The following DOCK6 variants were observed in gnomAD, a reference collection of about 807,000 sequenced individuals.
DOCK6 encodes the protein dedicator of cytokinesis protein 6.
Under a neutral mutation model 230.3 loss-of-function variants are expected in DOCK6, and 167 were observed. That is an observed-to-expected ratio of 0.73 (90% CI 0.64 to 0.82). The LOEUF is 0.82. Among genes scored for constraint, DOCK6 ranks in the 40% least tolerant of loss-of-function variants. The probability of loss-of-function intolerance (pLI) is 0.00; values close to 1 mark genes in which losing one functional copy is unlikely to be tolerated. For synonymous variants in DOCK6, 1,148 were observed against 1,185.0 expected (o/e 0.97, Z 0.64); for missense variants, 2,598 against 2,825.8 (o/e 0.92, Z 1.83).
rs2079165864 is a variant in DOCK6 at position 11,201,334 on chromosome 19, A to G, written c.5689-282T>C. Among the ~76,000 whole-genome samples the G allele has an allele frequency of 6.6e-6, 1 of 151,806 alleles. No homozygotes were observed. The highest frequency in any genetic ancestry group is 1.9e-4 in the East Asian group (1 of 5,138). ...TGGAAGTTGGAGTTTGGGGTCCCCA[A>G]CCTGGTTCTGGGGTACATGAGCCAA... On this transcript the variant is annotated intron_variant, in intron 44 of 47. Coordinates refer to ENST00000294618, the MANE Select transcript of DOCK6 (RefSeq NM_020812.4). The surrounding 1 kb of genome is among the most constrained non-coding windows in gnomAD (Gnocchi z 4.3).
chr19:11,209,050 T>C lies in DOCK6; in HGVS notation c.4805A>G (p.Asn1602Ser). 6.2e-7 allele frequency: 1 copy of C among 1,612,414 alleles called. No individual in the cohort carries two copies. The highest frequency in any genetic ancestry group is 1.1e-5 in the South Asian group (1 of 91,024). ...SPDLRLTWLQ[N>S]MAGKHAELGN... ...CAGCTCCGCGTGCTTCCCGGCCATG[T>C]TCTGCAACCAGGTCAGCCGAAGGTC... The change falls in exon 38 of 48, where the codon AAC (asparagine) becomes AGC (serine). Residue 1602 changes from asparagine to serine, a missense_variant. Asn to Ser is a conservative substitution (Grantham distance 46). Transcript: ENST00000294618.
rs764216758 is a variant in DOCK6 at position 11,252,105 on chromosome 19, A to AG, written c.507+13dup. The AG allele has an allele frequency of 1.9e-6, 3 of 1,585,170 alleles. No individual in the cohort carries two copies. The Admixed American group carries it at 5.4e-5, about 29-fold the overall frequency. ...ACATACCCCTTCAGTGACCCCAGCCAGGGGCTTCCTCACCGAGTCCTCAGG... is the reference window on the plus strand; with the variant it reads ...ACATACCCCTTCAGTGACCCCAGCCAGGGGGCTTCCTCACCGAGTCCTCAGG... On this transcript the variant is annotated intron_variant, in intron 5 of 47. Coordinates refer to ENST00000294618, the MANE Select transcript of DOCK6 (RefSeq NM_020812.4).
chr19:11,259,821 G>A (rs1435553233), intron 1 of DOCK6, among the ~76,000 whole-genome samples: 1 of 149,638 alleles, frequency 6.7e-6, no homozygotes, highest in Middle Eastern at 3.2e-3. Flanking sequence ...GACCTCAGGT[G>A]ATCCACCTGC....
chr19:11,223,691 G>A (rs534669621), intron 24 of DOCK6, among the ~76,000 whole-genome samples: 1 of 151,934 alleles, frequency 6.6e-6, no homozygotes, highest in African/African-American at 2.4e-5. Flanking sequence ...CTGTCACTAA[G>A]GCTGGAGTAC....
rs760556592 is a variant in DOCK6, at chr19:11,221,898, A to G, written c.3503T>C (p.Leu1168Pro). 1.2e-6 allele frequency: 2 copies of G among 1,613,386 alleles called. No homozygotes were observed. Among genetic ancestry groups the G allele is most frequent in the Non-Finnish European group, 1.7e-6 (2 of 1,179,884 alleles). ...CAAGGTATCCCGTGCAATCGATAGC[A>G]GTGGCAGGTACAGCTCGGCCACACG... is the stretch of plus-strand genomic sequence containing the variant. ...KARVAELYLP[L>P]LSIARDTLPR... Residue 1168 changes from leucine (L) to proline (P), a missense_variant, in exon 28 of 48, where the codon CTG becomes CCG. Coordinates refer to ENST00000294618, the MANE Select transcript of DOCK6 (RefSeq NM_020812.4).
intron 24 of DOCK6, among the ~76,000 whole-genome samples, chr19:11,224,055 G>A (rs1006861354): frequency 1.3e-5 from 2 of 152,140 alleles, no homozygotes; most frequent in African/African-American, 4.8e-5. Flanking sequence ...CAGTGTGTGT[G>A]TGTGGGGCGG....
intron 1 of DOCK6, 24 bp downstream of exon 1, chr19:11,262,373 G>A: frequency 8.0e-7 from 1 of 1,253,174 alleles, no homozygotes. Context: ...GGGGAGGTGG[G>A]AGGGGGCCCC....
chr19:11,249,914 A>AG (rs1231920791), intron 6 of DOCK6, among the ~76,000 whole-genome samples: 1 of 151,586 alleles, frequency 6.6e-6, no homozygotes, highest in Admixed American at 6.6e-5. Flanking sequence ...AAAAAAAAAA[A>AG]AAAAAGCTAT....
intron 22 of DOCK6, among the ~76,000 whole-genome samples, chr19:11,231,562 C>CA (rs780763122): frequency 7.2e-5 from 11 of 152,228 alleles, no homozygotes; most frequent in Non-Finnish European, 1.5e-4. Flanking sequence ...AACTCAAGCA[C>CA]AGGCTCAGGA....
chr19:11,228,086 C>T (rs1272640308), intron 23 of DOCK6, among the ~76,000 whole-genome samples: 1 of 150,162 alleles, frequency 6.7e-6, no homozygotes, highest in African/African-American at 2.5e-5. Flanking sequence ...TCTTGACTCA[C>T]TGCAACCTCT....
At chr19:11,259,774 A>C (rs1483872658) in intron 1 of DOCK6, among the ~76,000 whole-genome samples, 1 of 148,736 alleles carries the variant, frequency 6.7e-6, no homozygotes, top group African/African-American at 2.5e-5. Context: ...GTAGAGACGG[A>C]GTTTCACCAT....
chr19:11,251,162 T>C, intron 5 of DOCK6, 76 bp from the exon 6 acceptor site: 1 of 1,404,704 alleles, frequency 7.1e-7, no homozygotes, highest in Non-Finnish European at 9.8e-7. Flanking sequence ...AGTGTCCTCA[T>C]ACTCATTCTA....
At chr19:11,215,279 G>T (rs2079464165) in intron 32 of DOCK6, 108 bp downstream of exon 32, 2 of 965,924 alleles carry the variant, frequency 2.1e-6, no homozygotes, top group South Asian at 1.5e-5. Context: ...GGTAGAGAGG[G>T]TCTTACTATG....
intron 9 of DOCK6, 135 bp from the exon 10 acceptor site, chr19:11,244,017 C>CCCAAGGACAGCGGGAG: frequency 1.1e-6 from 1 of 911,854 alleles, no homozygotes; most frequent in African/African-American, 1.6e-5. Context: ...TCCAACACCT[C>CCCAAGGACAGCGGGAG]CCATGGCTCC....
intron 14 of DOCK6, chr19:11,239,793 G>T: frequency 6.2e-7 from 1 of 1,609,212 alleles, no homozygotes; most frequent in Non-Finnish European, 8.5e-7. Flanking sequence ...TCAACGGTGT[G>T]TACAGGACCA....
At chr19:11,239,879 T>A in intron 14 of DOCK6, 1 of 1,596,614 alleles carries the variant, frequency 6.3e-7, no homozygotes, top group Non-Finnish European at 8.5e-7. Context: ...GGGCAGGAGG[T>A]CAGCCGGGGC....
intron 22 of DOCK6, 118 bp downstream of exon 22, chr19:11,233,085 G>T: frequency 7.4e-7 from 1 of 1,351,672 alleles, no homozygotes; most frequent in Non-Finnish European, 1.0e-6. Flanking sequence ...CCAGAGTGAC[G>T]CCTTCATTCA....
chr19:11,230,043 CA>C (rs74180012), intron 22 of DOCK6, among the ~76,000 whole-genome samples: 4,206 of 46,362 alleles, frequency 0.091, 88 homozygotes, highest in African/African-American at 0.21. Context: ...GACTCCATCT[CA>C]AAAAAAAAAA....
In DOCK6 at chr19:11,252,201, T is replaced by A. The variant is rs1599287170; in HGVS notation, c.425A>T (p.Gln142Leu). The change falls in exon 5 of 48, where the codon CAG becomes CTG. Residue 142 changes from glutamine (Q) to leucine (L), a missense_variant. Gln to Leu is a moderately radical substitution (Grantham distance 113). Coordinates refer to ENST00000294618, the MANE Select transcript of DOCK6 (RefSeq NM_020812.4). ...AAYSPVTTDT[Q>L]RERQKGLPRQ... is the part of the protein sequence containing the mutation. ...GGGGAGGCCCTTCTGTCGCTCCCGC[T>A]GTGTGTCTGTGGTGACGGGGCTGTA... 6.3e-7 allele frequency: 1 copy of A among 1,582,680 alleles called. No homozygotes were observed. Among genetic ancestry groups the A allele is most frequent in the Non-Finnish European group, 8.6e-7 (1 of 1,164,504 alleles).
Sources: gnomAD v4.1 joint callset for allele counts (sites outside exome capture counted in the v4.1 genomes callset) on GRCh38, gnomAD v4.1.1 for gene constraint, Gnocchi (gnomAD v3.1) non-coding constraint, MANE v1.5 for transcripts, NCBI Gene and HGNC (gene_info 2026-07-23, HGNC 2026-07-21) for gene names.